The following SLC26A9 variants were observed in gnomAD, a reference collection of about 807,000 sequenced individuals.
The protein encoded by SLC26A9 is solute carrier family 26 member 9.
SLC26A9 carries 46 observed loss-of-function variants against 87.1 expected under a neutral mutation model. The ratio of observed to expected loss-of-function variants is 0.53; its 90% CI spans 0.42 to 0.67. The LOEUF (loss-of-function observed/expected upper bound fraction) is 0.67. Ranked by LOEUF, SLC26A9 falls within the 30% of genes least tolerant of loss-of-function variation. The probability of loss-of-function intolerance (pLI) is 0.00; values close to 1 mark genes in which losing one functional copy is unlikely to be tolerated. For synonymous variants in SLC26A9, 437 were observed against 409.1 expected, an observed-to-expected ratio of 1.07 and a Z score of -0.82; for missense variants, 927 against 1,018.3, an observed-to-expected ratio of 0.91 and a Z score of 1.22.
chr1:205,923,435 A>G lies in SLC26A9; in HGVS notation c.1567-8T>C. On this transcript the variant is annotated splice_region_variant and splice_polypyrimidine_tract_variant and intron_variant, in intron 14 of 20. Coordinates refer to ENST00000367135, the MANE Select transcript of SLC26A9 (RefSeq NM_052934.4). The stretch of plus-strand genomic sequence containing the variant: ...CCCCTGGATATCCTGGGCCTGTGAC[A>G]GGGAGACTGAGCTCAAGTTGCAGAA... 6.2e-7 allele frequency: 1 copy of G among 1,614,184 alleles called. No individual in the cohort carries two copies. Among genetic ancestry groups the G allele is most frequent in the Non-Finnish European group, 8.5e-7 (1 of 1,180,014 alleles).
chr1:205,935,444 GGA>G (rs1033218524), intron 2 of SLC26A9, among the ~76,000 whole-genome samples: 1 of 152,250 alleles, frequency 6.6e-6, no homozygotes, highest in African/African-American at 2.4e-5. Context: ...TGAGAATATG[GGA>G]GATGCCATGC....
rs368769790 is a variant in SLC26A9 at position 205,923,175 on chromosome 1, T to C, written c.1680A>G (p.Lys560=). 6.2e-7 allele frequency: 1 copy of C among 1,614,046 alleles called. No individual in the cohort carries two copies. Among genetic ancestry groups the C allele is most frequent in the Non-Finnish European group, 8.5e-7 (1 of 1,180,042 alleles). Residue 560 remains lysine (K), a synonymous_variant, in exon 16 of 21, where the codon AAA becomes AAG. Transcript: ENST00000367135. ...GGTATTTTTGCTTGGCTAGTAATAC[T>C]TTCTGGGGGTCCATGCCTGTCTGCA... The part of the protein sequence containing the change: ...VIAKTGMDPQ[K]VLLAKQKYLK...
chr1:205,934,413 T>C (rs1342029985), intron 2 of SLC26A9, among the ~76,000 whole-genome samples: 1 of 152,140 alleles, frequency 6.6e-6, no homozygotes, highest in East Asian at 1.9e-4. Flanking sequence ...GACTTATGAA[T>C]AGAGAGCTGG....
At chr1:205,931,472 T>TTTTTTTTTTTG (rs1200857256) in intron 5 of SLC26A9, among the ~76,000 whole-genome samples, 1 of 137,772 alleles carries the variant, frequency 7.3e-6, no homozygotes, top group East Asian at 2.2e-4. Flanking sequence ...TTGGTTTTTT[T>TTTTTTTTTTTG]TTTTTTTTTT....
At chr1:205,918,738 A>G in intron 19 of SLC26A9, 102 bp downstream of exon 19, 1 of 1,419,690 alleles carries the variant, frequency 7.0e-7, no homozygotes, top group Non-Finnish European at 9.5e-7. Flanking sequence ...CAGACTTGAT[A>G]TTGGAACTTA....
At chr1:205,917,651 C>T (rs1658650272) in intron 19 of SLC26A9, among the ~76,000 whole-genome samples, 2 of 152,090 alleles carry the variant, frequency 1.3e-5, no homozygotes. Flanking sequence ...TTGGGGAATT[C>T]CTGTCCTCCT....
At chr1:205,939,370 C>T (rs1439354598) in intron 1 of SLC26A9, among the ~76,000 whole-genome samples, 2 of 152,180 alleles carry the variant, frequency 1.3e-5, no homozygotes, top group Non-Finnish European at 2.9e-5. Flanking sequence ...CTTGCCACCC[C>T]AGCTGATGGG....
intron 20 of SLC26A9, among the ~76,000 whole-genome samples, chr1:205,916,125 C>G (rs578050505): frequency 1.8e-4 from 27 of 152,194 alleles, no homozygotes; most frequent in Admixed American, 1.5e-3. Context: ...TTGAGACAGT[C>G]TAGCTCTGTC....
rs1366907506 is a variant in SLC26A9, at chr1:205,915,096, T to C, written c.*261A>G. The C allele has an allele frequency of 6.2e-7, 1 of 1,614,004 alleles. No homozygotes were observed. The highest frequency in any genetic ancestry group is 1.7e-5 in the Admixed American group (1 of 60,002). On this transcript the variant is annotated 3_prime_UTR_variant, in exon 21 of 21. Coordinates refer to ENST00000367135, the MANE Select transcript of SLC26A9 (RefSeq NM_052934.4). ...TGGAGTGAGCAGGAGGCTTGTCCATTGCGGCCAGGGCCTGACGGGTGAAGA... is the reference window on the plus strand; with the variant it reads ...TGGAGTGAGCAGGAGGCTTGTCCATCGCGGCCAGGGCCTGACGGGTGAAGA...
intron 1 of SLC26A9, 135 bp downstream of exon 1, chr1:205,943,230 G>C (rs549985201): frequency 3.5e-4 from 54 of 152,170 alleles, no homozygotes; most frequent in African/African-American, 1.2e-3. Context: ...GACTCCAGGG[G>C]CCAGAGTGTC....
At chr1:205,940,866 C>T (rs1473787905) in intron 1 of SLC26A9, among the ~76,000 whole-genome samples, 3 of 152,194 alleles carry the variant, frequency 2.0e-5, no homozygotes, top group Admixed American at 2.0e-4. Flanking sequence ...ACGGGAACAG[C>T]CCCGGCTGGG....
At position 205,924,472 on chromosome 1, in the gene SLC26A9, G is replaced by A; in HGVS notation, c.1407C>T (p.Ser469=). The change falls in exon 13 of 21, where the codon AGC becomes AGT. Residue 469 remains serine, a synonymous_variant. Coordinates refer to ENST00000367135, the MANE Select transcript of SLC26A9 (RefSeq NM_052934.4). ...SKLDCCIWVV[S]FLSSFFLSLP... ...GGCTGAGGAAGAAGGAGGAGAGGAA[G>A]CTCACTACCCAGATGCACTGTGAAA... 6.2e-7 allele frequency: 1 copy of A among 1,613,320 alleles called. No homozygotes were observed.
chr1:205,935,627 G>A (rs912177510), intron 2 of SLC26A9, 69 bp downstream of exon 2: 100 of 1,598,622 alleles, frequency 6.3e-5, no homozygotes, highest in East Asian at 1.1e-4. Flanking sequence ...TGCAGAAGCC[G>A]TGTCCTGGTG....
chr1:205,923,246 G>A, intron 15 of SLC26A9, 51 bp from the exon 16 acceptor site: 1 of 1,606,896 alleles, frequency 6.2e-7, no homozygotes, highest in East Asian at 2.2e-5. Flanking sequence ...CTATGGGAGT[G>A]GCCTATTCTC....
chr1:205,936,003 C>G (rs1244248359), intron 1 of SLC26A9, among the ~76,000 whole-genome samples, 165 bp from the exon 2 acceptor site: 4 of 152,290 alleles, frequency 2.6e-5, no homozygotes, highest in Middle Eastern at 3.4e-3. Flanking sequence ...CCGTCAGACT[C>G]CCTGCTCGCA....
chr1:205,927,790 A>G, intron 9 of SLC26A9, 112 bp downstream of exon 9: 4 of 1,530,468 alleles, frequency 2.6e-6, no homozygotes, highest in Non-Finnish European at 3.5e-6. Flanking sequence ...TATCCCCCAC[A>G]CTCGAGGCAG....
At chr1:205,934,552 G>A (rs1474977578) in intron 2 of SLC26A9, among the ~76,000 whole-genome samples, 1 of 152,186 alleles carries the variant, frequency 6.6e-6, no homozygotes, top group Non-Finnish European at 1.5e-5. Context: ...AGAGGGATTA[G>A]CTTTCTAGAC....
At chr1:205,931,386 A>G (rs1345302612) in intron 5 of SLC26A9, among the ~76,000 whole-genome samples, 1 of 151,710 alleles carries the variant, frequency 6.6e-6, no homozygotes, top group Non-Finnish European at 1.5e-5. Context: ...TGCTACATGC[A>G]GATGAGGAGA....
chr1:205,927,938 C>A lies in SLC26A9; in HGVS notation c.1065G>T (p.Leu355=). The change falls in exon 9 of 21, where the codon CTG becomes CTT. Residue 355 remains leucine (L), a synonymous_variant. Transcript: ENST00000367135. ...CCACGTCGTAGCCGTGCTTGTTGGCCAGGGTCCGGCCCATAGCCAGGTTGA... is the reference window on the plus strand; with the variant it reads ...CCACGTCGTAGCCGTGCTTGTTGGCAAGGGTCCGGCCCATAGCCAGGTTGA... ...YVINLAMGRT[L]ANKHGYDVDS... is the part of the protein sequence containing the mutation. The A allele has an allele frequency of 6.2e-7, 1 of 1,614,162 alleles. No homozygotes were observed. The highest frequency in any genetic ancestry group is 8.5e-7 in the Non-Finnish European group (1 of 1,180,002).
Sources: allele counts gnomAD v4.1 joint callset (sites outside exome capture counted in the v4.1 genomes callset), GRCh38; gene constraint gnomAD v4.1.1; transcripts MANE v1.5; gene names NCBI Gene and HGNC (gene_info 2026-07-23, HGNC 2026-07-21).